The following IGSF3 variants were observed in gnomAD, a reference collection of about 807,000 sequenced individuals.
IGSF3 encodes the protein glu-Trp-Ile EWI motif-containing protein 3.
In IGSF3, 23 loss-of-function variants were observed where a neutral mutation model predicts 114.4. The ratio of observed to expected loss-of-function variants is 0.20; its 90% CI spans 0.14 to 0.28. The LOEUF is 0.28. Among genes scored for constraint, IGSF3 ranks in the 10% least tolerant of loss-of-function variants. The probability of loss-of-function intolerance (pLI) is 1.00; values close to 1 mark genes in which losing one functional copy is unlikely to be tolerated. For missense variants in IGSF3, 1,172 were observed against 1,591.5 expected (o/e 0.74, Z 4.48); for synonymous variants, 571 against 645.2 (o/e 0.88, Z 1.74).
chr1:116,604,124 T>A, intron 5 of IGSF3, 99 bp from the exon 6 acceptor site: 2 of 1,098,408 alleles, frequency 1.8e-6, no homozygotes, highest in Non-Finnish European at 1.3e-6. Flanking sequence ...GGAATCATAT[T>A]CAGGTACGGT....
chr1:116,587,605 G>A (rs1245229301), intron 8 of IGSF3, among the ~76,000 whole-genome samples: 4 of 152,190 alleles, frequency 2.6e-5, no homozygotes, highest in African/African-American at 9.7e-5. Flanking sequence ...TCCTCAACAT[G>A]CTTACAGAGT....
rs1440191797 is a variant in IGSF3, at chr1:116,647,201, T to TCAC, written c.43+19080_43+19082dup. ...GATGCCCAAATGACCGGCTGAGGAA[T>TCAC]CACCTCACTGCTGCCGATGCCCTTG... On this transcript the variant is annotated intron_variant, in intron 2 of 10. Coordinates refer to ENST00000369486, the MANE Select transcript of IGSF3 (RefSeq NM_001007237.3). The surrounding 1 kb of genome is among the most constrained non-coding windows in gnomAD (Gnocchi z 4.6). Among the ~76,000 whole-genome samples, 1 of 152,192 alleles carries TCAC rather than the reference T, an allele frequency of 6.6e-6. No individual in the cohort carries two copies. The highest frequency in any genetic ancestry group is 2.4e-5 in the African/African-American group (1 of 41,450).
rs767749618 is a variant in IGSF3 at position 116,577,458 on chromosome 1, C to T, written c.3439G>A (p.Val1147Met). 6.2e-7 allele frequency: 1 copy of T among 1,614,028 alleles called. No individual in the cohort carries two copies. The highest frequency in any genetic ancestry group is 2.2e-5 in the East Asian group (1 of 44,872). ...CTGGAGTTCCGGCTCTTGAAACGCA[C>T]CAGAAGGATGGTGATGATAAGAATG... ...FGILIITILL[V>M]RFKSRNSSKN... is the part of the protein sequence containing the mutation. The change falls in exon 11 of 11, where the codon GTG (valine) becomes ATG (methionine). Residue 1147 changes from valine to methionine, a missense_variant. Coordinates refer to ENST00000369486, the MANE Select transcript of IGSF3 (RefSeq NM_001007237.3). This position sits in a 1 kb window ranked among gnomAD's most constrained non-coding sequence, Gnocchi z 5.7.
At chr1:116,631,122 T>C (rs2101039513) in intron 2 of IGSF3, among the ~76,000 whole-genome samples, 1 of 151,624 alleles carries the variant, frequency 6.6e-6, no homozygotes, top group Admixed American at 6.6e-5. Flanking sequence ...ATCGAGACCA[T>C]CCTGGCTAAC....
Position 116,589,679 on chromosome 1 carries a change from T to A in IGSF3, c.2030-575A>T, listed in dbSNP as rs1165326789. On this transcript the variant is annotated intron_variant, in intron 7 of 10. Coordinates refer to ENST00000369486, the MANE Select transcript of IGSF3 (RefSeq NM_001007237.3). The surrounding 1 kb of genome is among the most constrained non-coding windows in gnomAD (Gnocchi z 5.7). ...CACTTATCCCTCATTCCCGTCCCCC[T>A]GGGCTCCATACCCTTCCTCAGCACC... 1.3e-5 allele frequency among the ~76,000 whole-genome samples: 2 copies of A among 152,092 alleles called. No individual in the cohort carries two copies. Among genetic ancestry groups the A allele is most frequent in the Non-Finnish European group, 2.9e-5 (2 of 67,994 alleles).
chr1:116,609,710 C>T (rs1249698983), intron 4 of IGSF3, among the ~76,000 whole-genome samples: 1 of 152,080 alleles, frequency 6.6e-6, no homozygotes, highest in Admixed American at 6.5e-5. Context: ...GCCTGCCTTC[C>T]CTAGACTGGC....
In IGSF3 at chr1:116,577,542, T is replaced by G. The variant is rs1372738261; in HGVS notation, c.3355A>C (p.Ile1119Leu). 1.2e-6 allele frequency: 2 copies of G among 1,613,904 alleles called. No individual in the cohort carries two copies. The highest frequency in any genetic ancestry group is 2.7e-5 in the African/African-American group (2 of 74,866). ...LDTSPTLQSI[I>L]CSNDALFYFV... Reference sequence around the variant, plus strand: ...TAGAAGAGTGCGTCGTTGGAGCAGATGATGGACTGGAGGGTGGGACCTGAA... The same window carrying G: ...TAGAAGAGTGCGTCGTTGGAGCAGAGGATGGACTGGAGGGTGGGACCTGAA... The change falls in exon 11 of 11, where the codon ATC becomes CTC. Residue 1119 changes from isoleucine (I) to leucine (L), a missense_variant. By Grantham distance (5) the Ile-to-Leu change is conservative. This residue lies in a region of IGSF3 where 423 missense variants were observed against 509.8 expected (regional missense o/e 0.83). Transcript: ENST00000369486. This position sits in a 1 kb window ranked among gnomAD's most constrained non-coding sequence, Gnocchi z 5.7.
In IGSF3 at chr1:116,644,399, A is replaced by G. The variant is rs1215653528; in HGVS notation, c.43+21885T>C. Among the ~76,000 whole-genome samples the G allele has an allele frequency of 6.6e-6, 1 of 152,248 alleles. No individual in the cohort carries two copies. The highest frequency in any genetic ancestry group is 1.5e-5 in the Non-Finnish European group (1 of 68,042). On this transcript the variant is annotated intron_variant, in intron 2 of 10. Coordinates refer to ENST00000369486, the MANE Select transcript of IGSF3 (RefSeq NM_001007237.3). The surrounding 1 kb of genome is among the most constrained non-coding windows in gnomAD (Gnocchi z 5.6). ...GCAGCAGTTCCACACAGCCCTGCACAGCAGGAATTCAGCCTCTGGCAGCCG... is the reference window on the plus strand; with the variant it reads ...GCAGCAGTTCCACACAGCCCTGCACGGCAGGAATTCAGCCTCTGGCAGCCG...
At position 116,633,389 on chromosome 1, in the gene IGSF3, C is replaced by G. The variant is rs1557879508; in HGVS notation, c.44-16932G>C. On this transcript the variant is annotated intron_variant, in intron 2 of 10. Transcript: ENST00000369486. This position sits in a 1 kb window ranked among gnomAD's most constrained non-coding sequence, Gnocchi z 4.3. ...CTTACATAATCTTTTAACTTTTTCT[C>G]TAAGGCTGATTCCCTATAAGCAAAA... is the stretch of plus-strand genomic sequence containing the variant. Among the ~76,000 whole-genome samples, 3 of 152,138 alleles carry G rather than the reference C, an allele frequency of 2.0e-5. No individual in the cohort carries two copies. Among genetic ancestry groups the G allele is most frequent in the Admixed American group, 6.5e-5 (1 of 15,278 alleles).
intron 2 of IGSF3, among the ~76,000 whole-genome samples, chr1:116,658,128 G>A (rs699785): frequency 0.27 from 40,301 of 151,226 alleles, 5,638 homozygotes; most frequent in East Asian, 0.35. Flanking sequence ...CGCAAACTCC[G>A]CCTCCCAGGT....
In IGSF3 at chr1:116,593,933, G is replaced by A. The variant is rs1660232748; in HGVS notation, c.2030-4829C>T. On this transcript the variant is annotated intron_variant, in intron 7 of 10. Coordinates refer to ENST00000369486, the MANE Select transcript of IGSF3 (RefSeq NM_001007237.3). The surrounding 1 kb of genome is among the most constrained non-coding windows in gnomAD (Gnocchi z 4.5). ...ACTCCATGCAACAAAACTCTGCCTC[G>A]TGTCCTGTGTGACTTTCGAATGACA... Among the ~76,000 whole-genome samples the A allele has an allele frequency of 6.6e-6, 1 of 152,202 alleles. No individual in the cohort carries two copies. The highest frequency in any genetic ancestry group is 1.5e-5 in the Non-Finnish European group (1 of 68,042).
chr1:116,588,830 G>A lies in IGSF3; in HGVS notation c.2304C>T (p.Thr768=), dbSNP rs140652444. Residue 768 remains threonine, a synonymous_variant, in exon 8 of 11, where the codon ACC becomes ACT. Transcript: ENST00000369486. This position sits in a 1 kb window ranked among gnomAD's most constrained non-coding sequence, Gnocchi z 4.9. ...TGTCGCTGACCTCGGCTCTCTGGACGGTGAGGCTGAACAGGCCCCCCGACA... is the reference window on the plus strand; with the variant it reads ...TGTCGCTGACCTCGGCTCTCTGGACAGTGAGGCTGAACAGGCCCCCCGACA... The part of the protein sequence containing the change: ...RHVSGGLFSL[T]VQRAEVSDSG... The A allele has an allele frequency of 9.9e-6, 16 of 1,614,194 alleles. No homozygotes were observed. The highest frequency in any genetic ancestry group is 1.6e-4 in the Middle Eastern group (1 of 6,062).
In IGSF3 at chr1:116,636,669, C is replaced by T. The variant is rs1256963690; in HGVS notation, c.44-20212G>A. On this transcript the variant is annotated intron_variant, in intron 2 of 10. Transcript: ENST00000369486. This position sits in a 1 kb window ranked among gnomAD's most constrained non-coding sequence, Gnocchi z 4.5. ...AAGCTGCATGACTCACCCAAGGTCA[C>T]GAGCAAGCCAGTGAAGAGGGGCTGG... Among the ~76,000 whole-genome samples, 4 of 152,150 alleles carry T rather than the reference C, an allele frequency of 2.6e-5. No individual in the cohort carries two copies. Among genetic ancestry groups the T allele is most frequent in the African/African-American group, 7.2e-5 (3 of 41,432 alleles).
intron 7 of IGSF3, among the ~76,000 whole-genome samples, chr1:116,597,455 C>G (rs1660389156): frequency 6.6e-6 from 1 of 152,216 alleles, no homozygotes; most frequent in South Asian, 2.1e-4. Context: ...ATGCACTCTC[C>G]TGGTGCCTCA....
In IGSF3 at chr1:116,666,348, C is replaced by G. The variant is rs1649332757; in HGVS notation, c.-22G>C. 1 of 1,613,070 alleles carries G rather than the reference C, an allele frequency of 6.2e-7. No individual in the cohort carries two copies. Among genetic ancestry groups the G allele is most frequent in the African/African-American group, 1.3e-5 (1 of 74,890 alleles). On this transcript the variant is annotated 5_prime_UTR_variant, in exon 2 of 11. Transcript: ENST00000369486. ...TCATGTCGGCAGCCTCCAGGAGACA[C>G]AACACAAGGCGCTTCCTCTTCTCCC...
In IGSF3 at chr1:116,612,418, T is replaced by C. The variant is rs571956648; in HGVS notation, c.832+1347A>G. 2.0e-5 allele frequency among the ~76,000 whole-genome samples: 3 copies of C among 151,656 alleles called. No individual in the cohort carries two copies. The highest frequency in any genetic ancestry group is 2.1e-4 in the South Asian group (1 of 4,788). On this transcript the variant is annotated intron_variant, in intron 4 of 10. Transcript: ENST00000369486. This position sits in a 1 kb window ranked among gnomAD's most constrained non-coding sequence, Gnocchi z 4.1. ...CCCTAGAAGCTTTGCTTGAAAAAAA[T>C]GTAGATAGCAGAAGAATCACCTGGG... is the stretch of plus-strand genomic sequence containing the variant.
intron 4 of IGSF3, among the ~76,000 whole-genome samples, chr1:116,613,380 G>A (rs1208551982): frequency 1.3e-5 from 2 of 152,170 alleles, no homozygotes; most frequent in African/African-American, 4.8e-5. Context: ...ACCTGAGGAA[G>A]GCAACATCAT....
chr1:116,664,191 C>T lies in IGSF3; in HGVS notation c.43+2093G>A, dbSNP rs1345519321. Among the ~76,000 whole-genome samples the T allele has an allele frequency of 1.3e-5, 2 of 152,200 alleles. No individual in the cohort carries two copies. The highest frequency in any genetic ancestry group is 1.9e-4 in the East Asian group (1 of 5,196). ...CCACATGCATGCCTACAGTTCCAAA[C>T]CTTCCCACTTCAGCCTGCATCTGGA... On this transcript the variant is annotated intron_variant, in intron 2 of 10. Coordinates refer to ENST00000369486, the MANE Select transcript of IGSF3 (RefSeq NM_001007237.3). The surrounding 1 kb of genome is among the most constrained non-coding windows in gnomAD (Gnocchi z 4.6).
In IGSF3 at chr1:116,580,607, C is replaced by T. The variant is rs140672497; in HGVS notation, c.2849-730G>A. Reference sequence around the variant, plus strand: ...ATTCAAGGACACAGCAAGAAGGCGCCGTCTGCGGGCCAGAAGAGCTCTTAC... The same window carrying T: ...ATTCAAGGACACAGCAAGAAGGCGCTGTCTGCGGGCCAGAAGAGCTCTTAC... On this transcript the variant is annotated intron_variant, in intron 9 of 10. Coordinates refer to ENST00000369486, the MANE Select transcript of IGSF3 (RefSeq NM_001007237.3). 3.1e-3 allele frequency among the ~76,000 whole-genome samples: 473 copies of T among 152,366 alleles called. 4 individuals carry two copies. Among genetic ancestry groups the T allele is most frequent in the African/African-American group, 0.011 (451 of 41,584 alleles).
Sources: allele counts gnomAD v4.1 joint callset (sites outside exome capture counted in the v4.1 genomes callset), GRCh38; gene constraint gnomAD v4.1.1; regional missense constraint gnomAD v4.1.1; non-coding constraint Gnocchi (gnomAD v3.1); transcripts MANE v1.5; gene names NCBI Gene and HGNC (gene_info 2026-07-23, HGNC 2026-07-21).